Variants in ENPP6 observed in about 807,000 individuals in gnomAD.
ENPP6 encodes the protein glycerophosphocholine cholinephosphodiesterase ENPP6.
ENPP6 carries 32 observed loss-of-function variants against 42.0 expected under a neutral mutation model. The ratio of observed to expected loss-of-function variants is 0.76; its 90% CI spans 0.58 to 1.02. ENPP6 has a LOEUF of 1.02. Among genes scored for constraint, ENPP6 ranks in the 50% least tolerant of loss-of-function variants. ENPP6 has a pLI of 0.00. For missense variants in ENPP6, 552 were observed against 566.8 expected (o/e 0.97, Z 0.27); for synonymous variants, 213 against 216.0 (o/e 0.99, Z 0.12).
chr4:184,198,151 G>A (rs915488292), intron 1 of ENPP6, among the ~76,000 whole-genome samples: 2 of 152,256 alleles, frequency 1.3e-5, no homozygotes, highest in South Asian at 4.1e-4. Context: ...CAACAGACGG[G>A]GCTTGGCAGC....
intron 1 of ENPP6, among the ~76,000 whole-genome samples, chr4:184,194,155 C>G (rs750313221): frequency 1.3e-5 from 2 of 152,202 alleles, no homozygotes; most frequent in Non-Finnish European, 1.5e-5. Flanking sequence ...TCCCACTCCT[C>G]GGTCAGCATC....
At chr4:184,157,978 C>T (rs1348702001) in intron 1 of ENPP6, among the ~76,000 whole-genome samples, 1 of 152,064 alleles carries the variant, frequency 6.6e-6, no homozygotes, top group African/African-American at 2.4e-5. Context: ...TTCAATCAGT[C>T]TTAATTTTTT....
At chr4:184,105,417 T>G (rs1736071057) in intron 6 of ENPP6, among the ~76,000 whole-genome samples, 1 of 152,198 alleles carries the variant, frequency 6.6e-6, no homozygotes, top group East Asian at 1.9e-4. Flanking sequence ...AAACACGATG[T>G]TAGAAACACA....
At chr4:184,117,942 C>T (rs748462092) in intron 3 of ENPP6, 42 bp from the exon 4 acceptor site, 19 of 1,597,370 alleles carry the variant, frequency 1.2e-5, no homozygotes, top group Middle Eastern at 1.9e-4. Context: ...GGGAGGCCCC[C>T]GCCAGCTTGC....
intron 5 of ENPP6, among the ~76,000 whole-genome samples, chr4:184,113,937 TTCTTTCTTTCTTTC>T: frequency 6.7e-6 from 1 of 148,286 alleles, no homozygotes; most frequent in South Asian, 2.2e-4. Context: ...CTTTCTTTCT[TTCTTTCTTTCTTTC>T]TTTCTTTCTT....
rs538935447 is a variant in ENPP6 at position 184,185,167 on chromosome 4, T to A, written c.242-31434A>T. Among the ~76,000 whole-genome samples the A allele has an allele frequency of 1.1e-4, 17 of 152,352 alleles. No individual in the cohort carries two copies. The East Asian group carries it at 3.1e-3, about 28-fold the overall frequency. On this transcript the variant is annotated intron_variant, in intron 1 of 7. Coordinates refer to ENST00000296741, the MANE Select transcript of ENPP6 (RefSeq NM_153343.4). ...GGATTGAGAACACAGAACATCCCTG[T>A]CTTCAGAGTAGCCGGGAGTAGAACT...
At chr4:184,187,366 C>T (rs1415805996) in intron 1 of ENPP6, among the ~76,000 whole-genome samples, 1 of 152,196 alleles carries the variant, frequency 6.6e-6, no homozygotes, top group African/African-American at 2.4e-5. Context: ...TGACTCTGCT[C>T]CCTGCAGCAG....
intron 1 of ENPP6, among the ~76,000 whole-genome samples, chr4:184,177,353 A>T (rs1737581524): frequency 2.0e-5 from 3 of 152,174 alleles, no homozygotes. Context: ...TTAGGGATAG[A>T]ACTCTGATTT....
At chr4:184,197,980 G>A (rs188919015) in intron 1 of ENPP6, among the ~76,000 whole-genome samples, 87 of 152,312 alleles carry the variant, frequency 5.7e-4, no homozygotes, top group Middle Eastern at 6.8e-3. Flanking sequence ...CAGCAGTGGT[G>A]TTGCTGTCGG....
Position 184,139,869 on chromosome 4 carries a change from AT to A in ENPP6, c.421+13684del, listed in dbSNP as rs1449334637. Among the ~76,000 whole-genome samples, 2 of 75,214 alleles carry A rather than the reference AT, an allele frequency of 2.7e-5. 1 individual carries two copies. 49.3% of individuals were successfully genotyped at this position (75,214 alleles called of 152,430 possible). A position where few individuals can be genotyped will look rare whatever the true frequency, so the allele number is the denominator to read the frequency against. Reference sequence around the variant, plus strand: ...ATGATTTATAGTCATTTGGGTATATATCCAGTAATGGGACGGCTGGGTCAAA... The same window carrying A: ...ATGATTTATAGTCATTTGGGTATATACCAGTAATGGGACGGCTGGGTCAAA... On this transcript the variant is annotated intron_variant, in intron 2 of 7. Coordinates refer to ENST00000296741, the MANE Select transcript of ENPP6 (RefSeq NM_153343.4).
intron 5 of ENPP6, among the ~76,000 whole-genome samples, chr4:184,114,095 A>G (rs956446088): frequency 1.3e-5 from 2 of 151,990 alleles, no homozygotes; most frequent in African/African-American, 4.8e-5. Context: ...CCTCCCAAGT[A>G]GCTGGAACTA....
At chr4:184,176,787 C>G (rs1473523050) in intron 1 of ENPP6, among the ~76,000 whole-genome samples, 1 of 152,306 alleles carries the variant, frequency 6.6e-6, no homozygotes, top group East Asian at 1.9e-4. Flanking sequence ...GAACTATCAG[C>G]AAGTCATCTT....
Position 184,197,162 on chromosome 4 carries a change from G to A in ENPP6, c.241+20417C>T, listed in dbSNP as rs762104245. Among the ~76,000 whole-genome samples, 153 of 152,080 alleles carry A rather than the reference G, an allele frequency of 1.0e-3. 1 individual carries two copies. Among genetic ancestry groups the A allele is most frequent in the Non-Finnish European group, 2.6e-4 (18 of 68,026 alleles). On this transcript the variant is annotated intron_variant, in intron 1 of 7. Transcript: ENST00000296741. ...CAGCCAGTCTTCAGTTATTATTCAC[G>A]GCACTAGAAAATAGAGAGGATGGCC...
rs535204592 is a variant in ENPP6 at position 184,187,369 on chromosome 4, T to C, written c.241+30210A>G. 2.0e-5 allele frequency among the ~76,000 whole-genome samples: 3 copies of C among 152,338 alleles called. No individual in the cohort carries two copies. In the East Asian group the frequency reaches 5.8e-4, roughly 29 times the overall value. On this transcript the variant is annotated intron_variant, in intron 1 of 7. Transcript: ENST00000296741. ...GGGACCATTGGTTGACTCTGCTCCC[T>C]GCAGCAGATCTGGGCAGTACTGCGT...
chr4:184,090,837 C>T lies in ENPP6; in HGVS notation c.*340G>A, dbSNP rs560703016. 1.7e-4 allele frequency: 71 copies of T among 416,958 alleles called. No individual in the cohort carries two copies. The highest frequency in any genetic ancestry group is 1.0e-3 in the South Asian group (12 of 11,962). The allele number at this position is 416,958 out of a possible 1,614,324, so 25.8% of individuals were successfully genotyped here. A position where few individuals can be genotyped will look rare whatever the true frequency, so the allele number is the denominator to read the frequency against. On this transcript the variant is annotated 3_prime_UTR_variant, in exon 8 of 8. Transcript: ENST00000296741. The stretch of plus-strand genomic sequence containing the variant: ...GGTGGGACAGAGAGGGGCCCAGAGC[C>T]ACGTCTGTCTGCAATAACCACTCCA...
At chr4:184,101,320 G>A (rs868344890) in intron 6 of ENPP6, among the ~76,000 whole-genome samples, 1,768 of 141,384 alleles carry the variant, frequency 0.013, 50 homozygotes, top group African/African-American at 0.049. Flanking sequence ...GTGTGTGTGT[G>A]TGTGTGTGTG....
intron 5 of ENPP6, among the ~76,000 whole-genome samples, chr4:184,113,957 T>TTCTA (rs1349253441): frequency 7.3e-6 from 1 of 136,372 alleles, no homozygotes; most frequent in Non-Finnish European, 1.6e-5. Flanking sequence ...CTTTCTTTCT[T>TTCTA]TCTTTCTCTC....
intron 1 of ENPP6, among the ~76,000 whole-genome samples, chr4:184,167,962 T>G (rs1737381187): frequency 6.6e-6 from 1 of 152,186 alleles, no homozygotes; most frequent in Non-Finnish European, 1.5e-5. Flanking sequence ...TCAAGGGGGC[T>G]GCATCCTTCT....
chr4:184,098,598 A>G (rs1735949759), intron 6 of ENPP6, among the ~76,000 whole-genome samples: 1 of 151,968 alleles, frequency 6.6e-6, no homozygotes, highest in Non-Finnish European at 1.5e-5. Flanking sequence ...ACAGACCTTA[A>G]TTTCCCTCAA....
Sources: gnomAD v4.1 joint callset for allele counts (sites outside exome capture counted in the v4.1 genomes callset) on GRCh38, gnomAD v4.1.1 for gene constraint, MANE v1.5 for transcripts, NCBI Gene and HGNC (gene_info 2026-07-23, HGNC 2026-07-21) for gene names.